SLC2A13: variants seen among roughly 807,000 people sequenced by gnomAD.
SLC2A13 encodes proton myo-inositol cotransporter.
A neutral mutation model predicts 64.4 loss-of-function variants in SLC2A13; 32 were observed. The observed-to-expected ratio is 0.50, with a 90% CI of 0.37 to 0.67. SLC2A13 has a LOEUF of 0.67. Ranked by LOEUF, SLC2A13 falls within the 30% of genes least tolerant of loss-of-function variation. The pLI is 0.00. For missense variants in SLC2A13, 743 were observed against 829.2 expected (o/e 0.90, Z 1.28); for synonymous variants, 338 against 327.1 (o/e 1.03, Z -0.36).
At chr12:40,075,054 C>A (rs1206440243) in intron 1 of SLC2A13, among the ~76,000 whole-genome samples, 1 of 152,128 alleles carries the variant, frequency 6.6e-6, no homozygotes, top group South Asian at 2.1e-4. Flanking sequence ...CTGAAGCAGA[C>A]CTCATTTAAA....
At chr12:39,817,668 G>T (rs1427391875) in intron 7 of SLC2A13, among the ~76,000 whole-genome samples, 1 of 152,112 alleles carries the variant, frequency 6.6e-6, no homozygotes, top group Non-Finnish European at 1.5e-5. Flanking sequence ...TACTATTTCA[G>T]TTAGTAGTCA....
chr12:39,822,223 C>A (rs184589444), intron 7 of SLC2A13, among the ~76,000 whole-genome samples: 1 of 152,054 alleles, frequency 6.6e-6, no homozygotes, highest in Non-Finnish European at 1.5e-5. Context: ...TCCAAGATAA[C>A]GTTTCCTGCC....
At chr12:39,980,536 A>G (rs1439670070) in intron 3 of SLC2A13, among the ~76,000 whole-genome samples, 1 of 151,888 alleles carries the variant, frequency 6.6e-6, no homozygotes, top group Non-Finnish European at 1.5e-5. Context: ...AGTCTCTGAT[A>G]AAGCAGACTT....
intron 3 of SLC2A13, among the ~76,000 whole-genome samples, chr12:39,986,685 T>C (rs1244781638): frequency 6.7e-6 from 1 of 149,256 alleles, no homozygotes; most frequent in Non-Finnish European, 1.5e-5. Context: ...ATTTTTTAAA[T>C]GTATCTTAGC....
intron 4 of SLC2A13, among the ~76,000 whole-genome samples, chr12:39,874,615 CAAAAAAAA>C (rs11287868): frequency 2.0e-5 from 2 of 101,118 alleles, no homozygotes; most frequent in Non-Finnish European, 4.0e-5. Flanking sequence ...AACTCCATCT[CAAAAAAAA>C]AAAAAAAAAA....
chr12:39,853,986 T>G lies in SLC2A13; in HGVS notation c.1319+10776A>C, dbSNP rs552523025. Among the ~76,000 whole-genome samples the G allele has an allele frequency of 2.0e-5, 3 of 152,228 alleles. No individual in the cohort carries two copies. The South Asian group carries it at 6.2e-4, about 32-fold the overall frequency. ...TTTTGTTAAAATAAAATCCTAGTGTTTAAATACCTAGCCCTTCAATATGAG... is the reference window on the plus strand; with the variant it reads ...TTTTGTTAAAATAAAATCCTAGTGTGTAAATACCTAGCCCTTCAATATGAG... On this transcript the variant is annotated intron_variant, in intron 6 of 9. Coordinates refer to ENST00000280871, the MANE Select transcript of SLC2A13 (RefSeq NM_052885.4).
At chr12:39,887,704 G>A (rs1944504467) in intron 4 of SLC2A13, among the ~76,000 whole-genome samples, 1 of 152,106 alleles carries the variant, frequency 6.6e-6, no homozygotes. Flanking sequence ...CTATCATTCT[G>A]TTGTGAAGAC....
chr12:39,885,873 C>T (rs1359780329), intron 4 of SLC2A13, among the ~76,000 whole-genome samples: 1 of 152,186 alleles, frequency 6.6e-6, no homozygotes, highest in Non-Finnish European at 1.5e-5. Context: ...TGATTCATTT[C>T]AAGAGATTCT....
At chr12:40,068,098 C>G (rs1937807435) in intron 1 of SLC2A13, 2 of 177,692 alleles carry the variant, frequency 1.1e-5, no homozygotes, top group Admixed American at 1.3e-4. Context: ...TTTATAGAGA[C>G]AGGGTCTCAC....
rs71434304 is a variant in SLC2A13, at chr12:39,963,286, CA to C, written c.926-11922del. Among the ~76,000 whole-genome samples the C allele has an allele frequency of 5.2e-3, 582 of 112,854 alleles. 2 individuals are homozygous for C. Among genetic ancestry groups the C allele is most frequent in the African/African-American group, 0.02 (546 of 27,476 alleles). The allele number at this position is 112,854 out of a possible 152,430, so 74.0% of individuals were successfully genotyped here. On this transcript the variant is annotated intron_variant, in intron 3 of 9. Transcript: ENST00000280871. ...TGGGCGACAGAGCGAGACTCCGTCT[CA>C]AAAAAAAAAAAAAAAAAATAGCCAA...
chr12:39,779,210 A>G (rs1940887440), intron 7 of SLC2A13, among the ~76,000 whole-genome samples: 1 of 152,050 alleles, frequency 6.6e-6, no homozygotes, highest in East Asian at 1.9e-4. Context: ...AAGCCATTCA[A>G]CCTCACTGGA....
At chr12:40,066,471 G>A (rs974119468) in intron 1 of SLC2A13, among the ~76,000 whole-genome samples, 1 of 152,122 alleles carries the variant, frequency 6.6e-6, no homozygotes, top group Non-Finnish European at 1.5e-5. Context: ...TATTCACTAG[G>A]AAAAGATGTC....
At chr12:39,812,368 TTTTCTTTTCTTTTC>T (rs528780579) in intron 7 of SLC2A13, among the ~76,000 whole-genome samples, 23 of 125,320 alleles carry the variant, frequency 1.8e-4, no homozygotes, top group East Asian at 1.2e-3. Flanking sequence ...TTTTCTTTTC[TTTTCTTTTCTTTTC>T]TTTCTTTCTC....
chr12:39,947,880 T>C (rs1946165335), intron 4 of SLC2A13, among the ~76,000 whole-genome samples: 1 of 152,062 alleles, frequency 6.6e-6, no homozygotes, highest in South Asian at 2.1e-4. Flanking sequence ...CAGGATGGTC[T>C]CGATCTCCTG....
chr12:40,075,584 T>C (rs1324495050), intron 1 of SLC2A13, among the ~76,000 whole-genome samples: 1 of 152,194 alleles, frequency 6.6e-6, no homozygotes, highest in Non-Finnish European at 1.5e-5. Context: ...TGGCTTTCTT[T>C]GAAATAATAC....
intron 1 of SLC2A13, among the ~76,000 whole-genome samples, chr12:40,103,281 CT>C (rs1343727865): frequency 1.3e-5 from 2 of 152,186 alleles, no homozygotes; most frequent in Non-Finnish European, 2.9e-5. Flanking sequence ...TTAGAACGTC[CT>C]TTCCTCGTTT....
intron 3 of SLC2A13, among the ~76,000 whole-genome samples, chr12:39,968,678 G>A (rs1454126352): frequency 6.6e-6 from 1 of 150,770 alleles, no homozygotes; most frequent in African/African-American, 2.5e-5. Context: ...CTTGAAAGAA[G>A]AGGTCTATAC....
chr12:39,839,756 T>G (rs1203463012), intron 6 of SLC2A13, among the ~76,000 whole-genome samples: 1 of 152,070 alleles, frequency 6.6e-6, no homozygotes, highest in Non-Finnish European at 1.5e-5. Context: ...ACCAATACAC[T>G]GAGCCCCCAT....
intron 3 of SLC2A13, among the ~76,000 whole-genome samples, chr12:40,006,771 G>C (rs1236669323): frequency 6.6e-6 from 1 of 152,116 alleles, no homozygotes; most frequent in African/African-American, 2.4e-5. Context: ...AGTCTCTCTG[G>C]AGAAAAAGTG....
Sources: allele counts gnomAD v4.1 joint callset (sites outside exome capture counted in the v4.1 genomes callset), GRCh38; gene constraint gnomAD v4.1.1; transcripts MANE v1.5; gene names NCBI Gene and HGNC (gene_info 2026-07-23, HGNC 2026-07-21).